The following PAX2 variants were observed in gnomAD, a reference collection of about 807,000 sequenced individuals.
The protein encoded by PAX2 is paired box protein Pax-2.
A neutral mutation model predicts 41.7 loss-of-function variants in PAX2; 9 were observed. The observed-to-expected ratio is 0.22, with a 90% confidence interval of 0.13 to 0.38. PAX2 has a LOEUF of 0.38. Among genes scored for constraint, PAX2 ranks in the 10% least tolerant of loss-of-function variants. The probability of loss-of-function intolerance (pLI) is 1.00; values close to 1 mark genes in which losing one functional copy is unlikely to be tolerated. For synonymous variants in PAX2, 221 were observed against 212.7 expected (o/e 1.04, Z -0.34); for missense variants, 418 against 531.6 (o/e 0.79, Z 2.10).
At position 100,745,934 on chromosome 10, in the gene PAX2, C is replaced by T; in HGVS notation, c.-327C>T. 8.0e-7 allele frequency: 1 copy of T among 1,257,272 alleles called. No individual in the cohort carries two copies. Among genetic ancestry groups the T allele is most frequent in the Non-Finnish European group, 1.0e-6 (1 of 999,646 alleles). 77.9% of individuals were successfully genotyped at this position (1,257,272 alleles called of 1,614,324 possible). On this transcript the variant is annotated 5_prime_UTR_variant, in exon 1 of 10. Coordinates refer to ENST00000355243, the MANE Select transcript of PAX2 (RefSeq NM_000278.5). ...AGTCGCCTCCCCCGCCCAGCTTCAGCCCTGGCTGCAGCTGCAGCGCGAGCC... is the reference window on the plus strand; with the variant it reads ...AGTCGCCTCCCCCGCCCAGCTTCAGTCCTGGCTGCAGCTGCAGCGCGAGCC...
chr10:100,745,699 C>T lies in PAX2; in HGVS notation c.-562C>T. 1 of 1,007,232 alleles carries T rather than the reference C, an allele frequency of 9.9e-7. No homozygotes were observed. Among genetic ancestry groups the T allele is most frequent in the Non-Finnish European group, 1.2e-6 (1 of 837,260 alleles). 62.4% of individuals were successfully genotyped at this position (1,007,232 alleles called of 1,614,324 possible). ...TTCGGCCGCGGCGGCGTGCGCCTGC[C>T]TTTTCCGGGGGCGGGGGCCTGGCCC... On this transcript the variant is annotated 5_prime_UTR_variant, in exon 1 of 10. Transcript: ENST00000355243.
At chr10:100,802,372 C>G (rs1300578380) in intron 5 of PAX2, among the ~76,000 whole-genome samples, 12 of 152,210 alleles carry the variant, frequency 7.9e-5, no homozygotes, top group Admixed American at 1.3e-4. Flanking sequence ...GGGTTAAGTT[C>G]TGCTGCTCAC....
intron 4 of PAX2, 91 bp from the exon 5 acceptor site, chr10:100,781,155 T>C (rs1846604922): frequency 3.8e-6 from 5 of 1,312,022 alleles, no homozygotes; most frequent in Middle Eastern, 1.8e-4. Context: ...TGTCCTCTGC[T>C]TCTCTCTGCC....
At chr10:100,790,964 T>C (rs1847093017) in intron 5 of PAX2, among the ~76,000 whole-genome samples, 1 of 152,134 alleles carries the variant, frequency 6.6e-6, no homozygotes, top group Admixed American at 6.5e-5. Context: ...GAGCCAGTAA[T>C]TCAAACCATC....
intron 3 of PAX2, among the ~76,000 whole-genome samples, chr10:100,757,974 G>A (rs989928705): frequency 1.2e-4 from 18 of 152,180 alleles, no homozygotes; most frequent in Admixed American, 4.6e-4. Context: ...AGGCGAGGCC[G>A]TAGAGCCAGG....
At chr10:100,766,652 G>A (rs1190135750) in intron 3 of PAX2, among the ~76,000 whole-genome samples, 6 of 152,134 alleles carry the variant, frequency 3.9e-5, no homozygotes, top group African/African-American at 1.2e-4. Context: ...GAATAGAATC[G>A]TATTTTTGGT....
chr10:100,747,959 C>A (rs1451653108), intron 1 of PAX2: 1 of 983,000 alleles, frequency 1.0e-6, no homozygotes, highest in Non-Finnish European at 1.2e-6. Context: ...AAGGTTTCTG[C>A]ACGGCCAAGC....
chr10:100,757,692 G>A (rs1243687041), intron 3 of PAX2, among the ~76,000 whole-genome samples: 12 of 152,242 alleles, frequency 7.9e-5, no homozygotes, highest in Admixed American at 7.9e-4. Context: ...CAGCCTGCAA[G>A]TCTTTCCTCA....
chr10:100,789,604 T>C (rs1847018285), intron 5 of PAX2, among the ~76,000 whole-genome samples: 1 of 152,248 alleles, frequency 6.6e-6, no homozygotes, highest in South Asian at 2.1e-4. Context: ...TGGCTCAACC[T>C]ATGTTCATTT....
At chr10:100,742,355 G>A (rs1293596750), upstream of PAX2, among the ~76,000 whole-genome samples, 1 of 148,444 alleles carries the variant, frequency 6.7e-6, no homozygotes, top group Non-Finnish European at 1.5e-5. Context: ...CTCGAGGTGC[G>A]GGGTGCCTAT....
At chr10:100,780,079 C>T (rs1444646606) in intron 4 of PAX2, among the ~76,000 whole-genome samples, 3 of 152,012 alleles carry the variant, frequency 2.0e-5, no homozygotes, top group East Asian at 1.9e-4. Flanking sequence ...CTGCCCTTCC[C>T]TCTCTTCTCT....
rs370862779 is a variant in PAX2, at chr10:100,751,687, G to T, written c.410+796G>T. On this transcript the variant is annotated intron_variant, in intron 3 of 9. Coordinates refer to ENST00000355243, the MANE Select transcript of PAX2 (RefSeq NM_000278.5). Reference sequence around the variant, plus strand: ...CAAACCCCTCCAGTGTGCTCTCGGGGAGAACACATGTGCACACTCCATGCA... The same window carrying T: ...CAAACCCCTCCAGTGTGCTCTCGGGTAGAACACATGTGCACACTCCATGCA... Among the ~76,000 whole-genome samples, 10 of 152,280 alleles carry T rather than the reference G, an allele frequency of 6.6e-5. No individual in the cohort carries two copies. The East Asian group carries it at 7.7e-4, about 12-fold the overall frequency.
intron 3 of PAX2, among the ~76,000 whole-genome samples, chr10:100,775,139 A>G (rs1589840539): frequency 6.6e-6 from 1 of 152,168 alleles, no homozygotes; most frequent in Non-Finnish European, 1.5e-5. Context: ...AGGGATCTAT[A>G]TCCAGAACTT....
rs1848590083 is a variant in PAX2 at position 100,826,942 on chromosome 10, C to A, written c.1022-67C>A. On this transcript the variant is annotated intron_variant, in intron 8 of 9. Coordinates refer to ENST00000355243, the MANE Select transcript of PAX2 (RefSeq NM_000278.5). This position sits in a 1 kb window ranked among gnomAD's most constrained non-coding sequence, Gnocchi z 5.5. ...CGGGAGGAGCGGGCGGAGAAGCCAC[C>A]GGCCGGACTCGTGGGGTCCGCCCTG... 1.1e-5 allele frequency: 12 copies of A among 1,097,958 alleles called. No individual in the cohort carries two copies. The South Asian group carries it at 1.5e-4, about 14-fold the overall frequency. 68.0% of individuals were successfully genotyped at this position (1,097,958 alleles called of 1,614,324 possible).
chr10:100,736,819 A>G (rs1244487310), intron 1 of PAX2, among the ~76,000 whole-genome samples: 1 of 152,158 alleles, frequency 6.6e-6, no homozygotes, highest in East Asian at 1.9e-4. Context: ...AAGTAGGGAG[A>G]TCAATAGCAA....
At chr10:100,778,131 A>G (rs1423659514) in intron 3 of PAX2, among the ~76,000 whole-genome samples, 1 of 152,212 alleles carries the variant, frequency 6.6e-6, no homozygotes, top group Non-Finnish European at 1.5e-5. Flanking sequence ...TGAGGCCCAG[A>G]GAAGTTGAGA....
intron 7 of PAX2, among the ~76,000 whole-genome samples, chr10:100,818,494 T>C (rs1412779061): frequency 2.0e-5 from 3 of 152,238 alleles, no homozygotes; most frequent in Admixed American, 1.3e-4. Context: ...GCTCTTTCAC[T>C]TTTTTATAAA....
chr10:100,807,359 C>A (rs952655912), intron 6 of PAX2, among the ~76,000 whole-genome samples: 4 of 151,478 alleles, frequency 2.6e-5, no homozygotes, highest in Admixed American at 2.6e-4. Context: ...CCACAGCCCA[C>A]GGTACTGTGC....
Position 100,808,210 on chromosome 10 carries a change from C to T in PAX2, c.793-900C>T, listed in dbSNP as rs555016159. Among the ~76,000 whole-genome samples, 106 of 152,240 alleles carry T rather than the reference C, an allele frequency of 7.0e-4. 1 individual carries two copies. The highest frequency in any genetic ancestry group is 2.5e-3 in the African/African-American group (104 of 41,524). Reference sequence around the variant, plus strand: ...ACTCTGGTGATAAATCAGGGGGCAGCTTCACCCCCAGTAGAAGGCCTAATT... The same window carrying T: ...ACTCTGGTGATAAATCAGGGGGCAGTTTCACCCCCAGTAGAAGGCCTAATT... On this transcript the variant is annotated intron_variant, in intron 6 of 9. Coordinates refer to ENST00000355243, the MANE Select transcript of PAX2 (RefSeq NM_000278.5).
Sources: allele counts gnomAD v4.1 joint callset (sites outside exome capture counted in the v4.1 genomes callset), GRCh38; gene constraint gnomAD v4.1.1; non-coding constraint Gnocchi (gnomAD v3.1); transcripts MANE v1.5; gene names NCBI Gene and HGNC (gene_info 2026-07-23, HGNC 2026-07-21).